Variants in GIP observed in about 807,000 individuals in gnomAD.
GIP encodes the protein glucose-dependent insulinotropic polypeptide.
A neutral mutation model predicts 18.1 loss-of-function variants in GIP; 16 were observed. The ratio of observed to expected loss-of-function variants is 0.88; its 90% CI spans 0.60 to 1.34. The LOEUF (loss-of-function observed/expected upper bound fraction) is 1.34. GIP is among the 40% of genes most tolerant of loss of function. The pLI is 0.00. For synonymous variants in GIP, 76 were observed against 74.0 expected, an observed-to-expected ratio of 1.03 and a Z score of -0.14; for missense variants, 192 against 183.4, an observed-to-expected ratio of 1.05 and a Z score of -0.27.
In GIP at chr17:48,964,337, A is replaced by G. The variant is rs1376433031; in HGVS notation, c.230T>C (p.Leu77Pro). ...KIHQQDFVNW[L>P]LAQKGKKNDW... Reference sequence around the variant, plus strand: ...ATTCTTCTTCCCCTTTTGGGCCAGCAGCCAGTTCACAAAGTCTTGTTGGTG... The same window carrying G: ...ATTCTTCTTCCCCTTTTGGGCCAGCGGCCAGTTCACAAAGTCTTGTTGGTG... Residue 77 changes from leucine (L) to proline (P), a missense_variant, in exon 3 of 6, where the codon CTG becomes CCG. Coordinates refer to ENST00000357424, the MANE Select transcript of GIP (RefSeq NM_004123.3). 40 of 1,613,788 alleles carry G rather than the reference A, an allele frequency of 2.5e-5. No individual in the cohort carries two copies. Among genetic ancestry groups the G allele is most frequent in the Non-Finnish European group, 3.4e-5 (40 of 1,179,852 alleles).
In GIP at chr17:48,958,729, G is replaced by T; in HGVS notation, c.453-13C>A. 1 of 1,577,458 alleles carries T rather than the reference G, an allele frequency of 6.3e-7. No homozygotes were observed. Among genetic ancestry groups the T allele is most frequent in the Non-Finnish European group, 8.6e-7 (1 of 1,161,522 alleles). Reference sequence around the variant, plus strand: ...GAGTCACCGAGACCTGGGGAGAGTGGGGAAAGGAGAAGAAGGTTGTTATGG... The same window carrying T: ...GAGTCACCGAGACCTGGGGAGAGTGTGGAAAGGAGAAGAAGGTTGTTATGG... On this transcript the variant is annotated splice_polypyrimidine_tract_variant and intron_variant, in intron 5 of 5. Coordinates refer to ENST00000357424, the MANE Select transcript of GIP (RefSeq NM_004123.3).
chr17:48,959,606 G>C (rs946040754), intron 5 of GIP, among the ~76,000 whole-genome samples: 12 of 152,182 alleles, frequency 7.9e-5, no homozygotes, highest in Non-Finnish European at 1.8e-4. Flanking sequence ...TTTTCTAGCT[G>C]ATGAGGGGGA....
At chr17:48,959,826 C>T (rs1282204916) in intron 5 of GIP, among the ~76,000 whole-genome samples, 1 of 91,016 alleles carries the variant, frequency 1.1e-5, no homozygotes, top group African/African-American at 4.5e-5. Flanking sequence ...AGGATGGGCT[C>T]AGCTCGGTGG....
At chr17:48,965,909 G>A (rs2041233554) in intron 2 of GIP, among the ~76,000 whole-genome samples, 1 of 152,070 alleles carries the variant, frequency 6.6e-6, no homozygotes, top group Non-Finnish European at 1.5e-5. Flanking sequence ...CTCCGTATAG[G>A]TAACAGATCC....
intron 2 of GIP, 129 bp from the exon 3 acceptor site, chr17:48,964,609 G>T: frequency 1.4e-6 from 1 of 716,814 alleles, no homozygotes; most frequent in Non-Finnish European, 2.3e-6. Context: ...ACTCCCTGTG[G>T]ATCCACTCCC....
Position 48,960,900 on chromosome 17 carries a change from GT to G in GIP, c.437del (p.Asn146ThrfsTer33). ...CACTCCCCTACCTGAGCCTGCAGAGGTTTGTCTGATCCAGCAAGCAGGCCAA... is the reference window on the plus strand; with the variant it reads ...CACTCCCCTACCTGAGCCTGCAGAGGTTGTCTGATCCAGCAAGCAGGCCAA... ...ELLACLLDQTNLCRLRSR is the reference protein window; with the variant it reads ...ELLACLLDQTXLCRLRSR On this transcript the variant is annotated frameshift_variant, in exon 5 of 6. Transcript: ENST00000357424. LOFTEE classifies it high-confidence loss of function. 4 of 1,598,860 alleles carry G rather than the reference GT, an allele frequency of 2.5e-6. No homozygotes were observed. The highest frequency in any genetic ancestry group is 2.6e-6 in the Non-Finnish European group (3 of 1,171,256).
At chr17:48,961,699 C>A in intron 4 of GIP, 28 bp downstream of exon 4, 1 of 1,453,574 alleles carries the variant, frequency 6.9e-7, no homozygotes, top group Non-Finnish European at 9.6e-7. Flanking sequence ...GGCTTGGCTC[C>A]CTCCCTTCCC....
chr17:48,967,924 C>T lies in GIP; in HGVS notation c.-22+593G>A, dbSNP rs193080773. Reference sequence around the variant, plus strand: ...AAGATTAGCCAGGTGTGGTGGTGCGCGCCTGTGATCCCAGCTATTCAGGAG... The same window carrying T: ...AAGATTAGCCAGGTGTGGTGGTGCGTGCCTGTGATCCCAGCTATTCAGGAG... On this transcript the variant is annotated intron_variant, in intron 1 of 5. Transcript: ENST00000357424. Among the ~76,000 whole-genome samples the T allele has an allele frequency of 2.4e-4, 37 of 151,764 alleles. No individual in the cohort carries two copies. In the East Asian group the frequency reaches 4.4e-3, roughly 18 times the overall value.
intron 3 of GIP, among the ~76,000 whole-genome samples, chr17:48,963,049 G>C (rs1432374543): frequency 1.3e-5 from 2 of 151,870 alleles, no homozygotes; most frequent in Admixed American, 6.6e-5. Flanking sequence ...GGAGCTTGCA[G>C]TGAGCCAAGA....
At chr17:48,962,163 A>G (rs572477792) in intron 3 of GIP, among the ~76,000 whole-genome samples, 1 of 152,106 alleles carries the variant, frequency 6.6e-6, no homozygotes, top group African/African-American at 2.4e-5. Context: ...TCTGCCTCCC[A>G]GGCTGAAGCC....
intron 4 of GIP, 131 bp from the exon 5 acceptor site, chr17:48,961,118 TTGG>T: frequency 4.9e-6 from 3 of 610,302 alleles, no homozygotes; most frequent in South Asian, 4.0e-5. Context: ...TATCTCTCCG[TTGG>T]CTCAGCTCTG....
At chr17:48,962,627 A>G (rs948071699) in intron 3 of GIP, among the ~76,000 whole-genome samples, 5 of 151,876 alleles carry the variant, frequency 3.3e-5, no homozygotes, top group African/African-American at 1.2e-4. Context: ...TCAGCCTCCC[A>G]AAGTGCTGGG....
chr17:48,966,235 T>C (rs11079848), intron 2 of GIP, among the ~76,000 whole-genome samples: 78,033 of 142,272 alleles, frequency 0.55, 22,632 homozygotes, highest in African/African-American at 0.77. Context: ...CCAGCCTGGG[T>C]GAGAAAGTGA....
At position 48,960,933 on chromosome 17, in the gene GIP, T is replaced by C. The variant is rs1161072770; in HGVS notation, c.405A>G (p.Gln135=). The C allele has an allele frequency of 5.6e-6, 9 of 1,609,112 alleles. No homozygotes were observed. Among genetic ancestry groups the C allele is most frequent in the South Asian group, 2.2e-5 (2 of 89,540 alleles). ...DEDLLRDLLI[Q]ELLACLLDQT... ...GATCCAGCAAGCAGGCCAACAGCTC[T>C]TGAATCAGCAAGTCCCGCAGCAAAT... Residue 135 remains glutamine, a synonymous_variant, in exon 5 of 6, where the codon CAA becomes CAG. Transcript: ENST00000357424.
intron 2 of GIP, among the ~76,000 whole-genome samples, chr17:48,966,708 G>T (rs1208343877): frequency 6.6e-6 from 1 of 152,002 alleles, no homozygotes; most frequent in African/African-American, 2.4e-5. Flanking sequence ...TCGGGAGGCT[G>T]AGATGGGAAG....
intron 2 of GIP, among the ~76,000 whole-genome samples, chr17:48,965,138 CA>C (rs33956589): frequency 3.6e-5 from 4 of 109,600 alleles, no homozygotes; most frequent in Non-Finnish European, 1.7e-5. Flanking sequence ...GACTCCGTCT[CA>C]AAAAAAAAAA....
At chr17:48,960,666 T>C (rs2041195546) in intron 5 of GIP, among the ~76,000 whole-genome samples, 1 of 152,160 alleles carries the variant, frequency 6.6e-6, no homozygotes, top group Non-Finnish European at 1.5e-5. Context: ...AATTGTCTTT[T>C]TTTTCTTTTG....
chr17:48,967,022 C>G, intron 2 of GIP, 125 bp downstream of exon 2: 1 of 696,682 alleles, frequency 1.4e-6, no homozygotes, highest in Admixed American at 2.4e-5. Context: ...GCAGGTATTT[C>G]CCTGGAGCTT....
intron 5 of GIP, among the ~76,000 whole-genome samples, chr17:48,958,968 C>T (rs2041184378): frequency 6.6e-6 from 1 of 151,658 alleles, no homozygotes; most frequent in Admixed American, 6.6e-5. Context: ...CATTCTCCTG[C>T]CTCAGCCTCC....
Sources: allele counts gnomAD v4.1 joint callset (sites outside exome capture counted in the v4.1 genomes callset), GRCh38; gene constraint gnomAD v4.1.1; transcripts MANE v1.5; gene names NCBI Gene and HGNC (gene_info 2026-07-23, HGNC 2026-07-21).